The following RAB38 variants were observed in gnomAD, a reference collection of about 807,000 sequenced individuals.
The protein encoded by RAB38 is ras-related protein Rab-38.
A neutral mutation model predicts 18.4 loss-of-function variants in RAB38; 15 were observed. The observed-to-expected ratio is 0.82, with a 90% CI of 0.55 to 1.26. RAB38 has a LOEUF of 1.26. Ranked by LOEUF, RAB38 falls within the 50% of genes most tolerant of loss-of-function variation. RAB38 has a pLI of 0.00. For missense variants in RAB38, 294 were observed against 267.4 expected (o/e 1.10, Z -0.69); for synonymous variants, 101 against 104.4 (o/e 0.97, Z 0.20).
chr11:87,804,057 G>A, the RAB38 span, among the ~76,000 whole-genome samples: 2 of 152,190 alleles, frequency 1.3e-5, no homozygotes, highest in Non-Finnish European at 2.9e-5. Context: ...GACCAAAACC[G>A]TGATTTTATT....
chr11:88,146,076 A>AT (rs752446057), intron 2 of RAB38, among the ~76,000 whole-genome samples: 35 of 152,252 alleles, frequency 2.3e-4, no homozygotes, highest in Non-Finnish European at 3.8e-4. Context: ...TTTAATTTTT[A>AT]TTTTTTCTCT....
the RAB38 span, among the ~76,000 whole-genome samples, chr11:87,929,851 G>A: frequency 6.6e-6 from 1 of 151,808 alleles, no homozygotes; most frequent in East Asian, 1.9e-4. Flanking sequence ...TGCTGAGAAT[G>A]ATGGTTTCCA....
At chr11:87,879,291 C>T in the RAB38 span, among the ~76,000 whole-genome samples, 1 of 151,230 alleles carries the variant, frequency 6.6e-6, no homozygotes, top group Admixed American at 6.6e-5. Context: ...TATGTAACCA[C>T]ATTGCGAGAA....
the RAB38 span, among the ~76,000 whole-genome samples, chr11:88,047,527 C>A: frequency 6.6e-6 from 1 of 152,188 alleles, no homozygotes; most frequent in Admixed American, 6.5e-5. Context: ...CTCACTCTTG[C>A]AAAAGGACTA....
At chr11:87,938,446 T>G in the RAB38 span, among the ~76,000 whole-genome samples, 1 of 152,100 alleles carries the variant, frequency 6.6e-6, no homozygotes, top group Admixed American at 6.6e-5. Context: ...CCAGCAGGGT[T>G]GTTGTGGTGC....
At chr11:87,805,615 A>ACACATG in the RAB38 span, among the ~76,000 whole-genome samples, 556 of 144,172 alleles carry the variant, frequency 3.9e-3, 1 homozygote, top group African/African-American at 0.013. Flanking sequence ...ACACACACAC[A>ACACATG]CACACACGCA....
intron 1 of RAB38, among the ~76,000 whole-genome samples, chr11:88,170,885 T>C (rs750929578): frequency 9.2e-5 from 14 of 152,230 alleles, no homozygotes; most frequent in Non-Finnish European, 1.6e-4. Context: ...GTTTTTTTAT[T>C]ACCAACAGAC....
chr11:88,079,892 C>A, the RAB38 span, among the ~76,000 whole-genome samples: 2 of 151,266 alleles, frequency 1.3e-5, no homozygotes, highest in African/African-American at 4.8e-5. Flanking sequence ...TGGGTTATTC[C>A]TAAATCTGAT....
At chr11:88,117,479 A>T (rs1006874607) in intron 2 of RAB38, among the ~76,000 whole-genome samples, 1 of 152,226 alleles carries the variant, frequency 6.6e-6, no homozygotes, top group African/African-American at 2.4e-5. Flanking sequence ...TTAGCACTTT[A>T]ACAGCTGACC....
chr11:87,931,475 C>T, the RAB38 span, among the ~76,000 whole-genome samples: 1 of 151,928 alleles, frequency 6.6e-6, no homozygotes, highest in African/African-American at 2.4e-5. Flanking sequence ...TGGGAGGGAT[C>T]CAGAGCAGGG....
chr11:87,890,514 T>C, the RAB38 span, among the ~76,000 whole-genome samples: 1 of 151,888 alleles, frequency 6.6e-6, no homozygotes, highest in Non-Finnish European at 1.5e-5. Context: ...TTCATGGACT[T>C]CTATGGATTT....
chr11:87,928,442 C>A, the RAB38 span, among the ~76,000 whole-genome samples: 5 of 151,962 alleles, frequency 3.3e-5, no homozygotes, highest in African/African-American at 1.2e-4. Flanking sequence ...GATATTGAGT[C>A]ATCCTTATTG....
the RAB38 span, among the ~76,000 whole-genome samples, chr11:87,976,113 C>CGT: frequency 8.0e-3 from 1,161 of 145,466 alleles, 11 homozygotes; most frequent in Non-Finnish European, 0.013. Context: ...TATATGTGTG[C>CGT]GTGTAAATAT....
chr11:88,044,345 C>G, the RAB38 span, among the ~76,000 whole-genome samples: 1 of 151,908 alleles, frequency 6.6e-6, no homozygotes, highest in African/African-American at 2.4e-5. Context: ...GGGGCAAGCA[C>G]CCCCCAACCC....
At chr11:87,939,379 TACACAC>T in the RAB38 span, among the ~76,000 whole-genome samples, 4,976 of 146,386 alleles carry the variant, frequency 0.034, 262 homozygotes, top group African/African-American at 0.11. Context: ...CACACATACA[TACACAC>T]ACACACACAC....
chr11:87,892,565 A>G, the RAB38 span, among the ~76,000 whole-genome samples: 1 of 151,836 alleles, frequency 6.6e-6, no homozygotes, highest in South Asian at 2.1e-4. Flanking sequence ...TAGGCAGAGC[A>G]TAGCCAATCA....
At chr11:88,089,180 G>C in the RAB38 span, among the ~76,000 whole-genome samples, 1 of 151,668 alleles carries the variant, frequency 6.6e-6, no homozygotes, top group East Asian at 2.0e-4. Context: ...GCATGTCAGG[G>C]GCTCTCATCT....
the RAB38 span, among the ~76,000 whole-genome samples, chr11:87,826,649 TCTC>T: frequency 2.6e-5 from 4 of 152,156 alleles, no homozygotes; most frequent in Non-Finnish European, 4.4e-5. Context: ...ATTATTTAGT[TCTC>T]CTAATAACTC....
In RAB38 at chr11:88,149,854, C is replaced by G; in HGVS notation, c.304G>C (p.Ala102Pro). Residue 102 changes from alanine to proline, a missense_variant, in exon 2 of 3, where the codon GCA (alanine) becomes CCA (proline). Physicochemically the swap from Ala to Pro is conservative, Grantham distance 27 (BLOSUM62 -1). Coordinates refer to ENST00000243662, the MANE Select transcript of RAB38 (RefSeq NM_022337.3). Reference sequence around the variant, plus strand: ...GAGTCCAAATCATTTTTCCACTTTGCCACTGCTTCAAATGTGGCTGGCCTG... The same window carrying G: ...GAGTCCAAATCATTTTTCCACTTTGGCACTGCTTCAAATGTGGCTGGCCTG... ...VTRPATFEAV[A>P]KWKNDLDSKL... is the part of the protein sequence containing the mutation. 1 of 1,614,010 alleles carries G rather than the reference C, an allele frequency of 6.2e-7. No individual in the cohort carries two copies. The highest frequency in any genetic ancestry group is 8.5e-7 in the Non-Finnish European group (1 of 1,179,988).
Sources: allele counts gnomAD v4.1 joint callset (sites outside exome capture counted in the v4.1 genomes callset), GRCh38; gene constraint gnomAD v4.1.1; transcripts MANE v1.5; gene names NCBI Gene and HGNC (gene_info 2026-07-23, HGNC 2026-07-21).